FBXL20: variants seen among roughly 807,000 people sequenced by gnomAD.
FBXL20 encodes the protein F-box and leucine rich repeat protein 20, also known as F-box/LRR-repeat protein 20.
FBXL20 carries 11 observed loss-of-function variants against 64.0 expected under a neutral mutation model. The observed-to-expected ratio is 0.17, with a 90% CI of 0.11 to 0.28. FBXL20 has a LOEUF of 0.28. FBXL20 is among the 10% of genes least tolerant of loss of function. The probability of loss-of-function intolerance (pLI) is 1.00; values close to 1 mark genes in which losing one functional copy is unlikely to be tolerated. For synonymous variants in FBXL20, 184 were observed against 189.0 expected (o/e 0.97, Z 0.22); for missense variants, 303 against 526.2 (o/e 0.58, Z 4.15).
chr17:39,302,860 C>A (rs1007355875), intron 3 of FBXL20, among the ~76,000 whole-genome samples: 2 of 151,922 alleles, frequency 1.3e-5, no homozygotes, highest in South Asian at 2.1e-4. Flanking sequence ...GTAGGACTTA[C>A]AACTGTGATA....
At chr17:39,396,219 G>C (rs989721670) in intron 1 of FBXL20, among the ~76,000 whole-genome samples, 7 of 151,992 alleles carry the variant, frequency 4.6e-5, no homozygotes, top group African/African-American at 1.7e-4. Context: ...AGATGCATAG[G>C]ATTCTAGAAA....
At chr17:39,368,050 T>C (rs2047878349) in intron 1 of FBXL20, among the ~76,000 whole-genome samples, 1 of 152,076 alleles carries the variant, frequency 6.6e-6, no homozygotes, top group Non-Finnish European at 1.5e-5. Flanking sequence ...AGTGCTGGGA[T>C]TACAGGTGTG....
intron 2 of FBXL20, among the ~76,000 whole-genome samples, chr17:39,318,586 C>G (rs1191368515): frequency 6.6e-6 from 1 of 151,970 alleles, no homozygotes; most frequent in East Asian, 1.9e-4. Context: ...ACTAAAAATA[C>G]AACATTAGCC....
chr17:39,283,406 T>C (rs1293943034), intron 7 of FBXL20, among the ~76,000 whole-genome samples: 1 of 152,072 alleles, frequency 6.6e-6, no homozygotes, highest in Non-Finnish European at 1.5e-5. Flanking sequence ...CTCAAAAAGT[T>C]TGGGATTTTG....
rs36158395 is a variant in FBXL20, at chr17:39,315,806, TGA to T, written c.105-12169_105-12168del. On this transcript the variant is annotated intron_variant, in intron 2 of 14. Transcript: ENST00000264658. ...CCCAATGAAGTGAAGAGGGGATCTT[TGA>T]GAGAGAGTGAGAGAGAGAGACAGAG... Among the ~76,000 whole-genome samples, 36 of 107,608 alleles carry T rather than the reference TGA, an allele frequency of 3.3e-4. No homozygotes were observed. In the East Asian group the frequency reaches 9.6e-3, roughly 29 times the overall value. The allele number at this position is 107,608 out of a possible 152,430, so 70.6% of individuals were successfully genotyped here.
In FBXL20 at chr17:39,264,131, G is replaced by A. The variant is rs369555107; in HGVS notation, c.1203+44C>T. ...AAAGGAAAAAAAAAGAGAGAAGAAA[G>A]TGCTGCTAACACTAGAGTTGGAGAG... On this transcript the variant is annotated intron_variant, in intron 14 of 14. Coordinates refer to ENST00000264658, the MANE Select transcript of FBXL20 (RefSeq NM_032875.3). The A allele has an allele frequency of 9.6e-6, 15 of 1,566,620 alleles. No individual in the cohort carries two copies. In the African/African-American group the frequency reaches 1.8e-4, roughly 18 times the overall value.
intron 9 of FBXL20, among the ~76,000 whole-genome samples, chr17:39,280,891 G>A (rs1321326662): frequency 6.6e-6 from 1 of 151,982 alleles, no homozygotes; most frequent in Non-Finnish European, 1.5e-5. Flanking sequence ...AGCCTCCCAA[G>A]AAGCTGGGAC....
intron 2 of FBXL20, among the ~76,000 whole-genome samples, chr17:39,324,252 C>T (rs2047388639): frequency 6.7e-6 from 1 of 149,556 alleles, no homozygotes; most frequent in Non-Finnish European, 1.5e-5. Flanking sequence ...AGGTGAGAGA[C>T]CCAGGAATCT....
chr17:39,379,438 C>T (rs2048001426), intron 1 of FBXL20, among the ~76,000 whole-genome samples: 1 of 140,954 alleles, frequency 7.1e-6, no homozygotes, highest in Admixed American at 7.4e-5. Flanking sequence ...GAGAGGCCAG[C>T]AGTTCAAGAA....
At chr17:39,269,130 C>G (rs918544427) in intron 11 of FBXL20, among the ~76,000 whole-genome samples, 1 of 152,134 alleles carries the variant, frequency 6.6e-6, no homozygotes, top group Non-Finnish European at 1.5e-5. Context: ...CCCACCTCAG[C>G]CTCCCAATTA....
At position 39,299,081 on chromosome 17, in the gene FBXL20, G is replaced by A. The variant is rs1228540061; in HGVS notation, c.238C>T (p.Arg80Ter). The A allele has an allele frequency of 6.2e-7, 1 of 1,606,626 alleles. No homozygotes were observed. Among genetic ancestry groups the A allele is most frequent in the Non-Finnish European group, 8.5e-7 (1 of 1,177,156 alleles). Residue 80 changes from arginine to a stop codon, truncating the protein, a stop_gained, in exon 5 of 15, where the codon CGA becomes TGA. Coordinates refer to ENST00000264658, the MANE Select transcript of FBXL20 (RefSeq NM_032875.3). LOFTEE classifies it high-confidence loss of function. ...LFDFQRDIEG[R>*]VVENISKRCG... The stretch of plus-strand genomic sequence containing the variant: ...CGTTTTGAAATATTCTCCACTACTC[G>A]GCCCTGTAAAATGAGACAGGCAAAC...
chr17:39,275,176 G>A, intron 9 of FBXL20, 76 bp from the exon 10 acceptor site: 1 of 1,432,626 alleles, frequency 7.0e-7, no homozygotes, highest in Non-Finnish European at 9.4e-7. Flanking sequence ...TGATAGCTCT[G>A]TGAAAATAAT....
At chr17:39,313,008 T>C (rs1380900970) in intron 2 of FBXL20, among the ~76,000 whole-genome samples, 1 of 149,042 alleles carries the variant, frequency 6.7e-6, no homozygotes, top group Non-Finnish European at 1.5e-5. Flanking sequence ...AACCTCTGTC[T>C]CCCGGGTTCA....
At chr17:39,317,917 G>A (rs1346451119) in intron 2 of FBXL20, among the ~76,000 whole-genome samples, 1 of 151,678 alleles carries the variant, frequency 6.6e-6, no homozygotes, top group Non-Finnish European at 1.5e-5. Context: ...TAGCCGGGAT[G>A]GTCTCGATCT....
intron 1 of FBXL20, among the ~76,000 whole-genome samples, chr17:39,371,293 C>A (rs1003288335): frequency 1.3e-5 from 2 of 152,124 alleles, no homozygotes; most frequent in Non-Finnish European, 2.9e-5. Flanking sequence ...TGCTTATATA[C>A]TTTTTTTAAA....
At chr17:39,289,625 G>A (rs903223188) in intron 6 of FBXL20, among the ~76,000 whole-genome samples, 10 of 151,552 alleles carry the variant, frequency 6.6e-5, no homozygotes, top group Non-Finnish European at 1.2e-4. Context: ...TTCCAGCCTG[G>A]ACGACAGAGA....
intron 6 of FBXL20, among the ~76,000 whole-genome samples, chr17:39,287,017 A>G (rs557461552): frequency 1.3e-5 from 2 of 149,228 alleles, no homozygotes; most frequent in East Asian, 2.0e-4. Context: ...GGTTCAAGCA[A>G]TTCTCTTGCC....
intron 3 of FBXL20, 116 bp from the exon 4 acceptor site, chr17:39,301,191 C>G: frequency 1.2e-6 from 1 of 811,810 alleles, no homozygotes; most frequent in Non-Finnish European, 2.0e-6. Context: ...AAAAATTTAT[C>G]AGGCCCTATC....
At chr17:39,294,733 C>T (rs1207347820) in intron 6 of FBXL20, among the ~76,000 whole-genome samples, 1 of 152,012 alleles carries the variant, frequency 6.6e-6, no homozygotes, top group East Asian at 1.9e-4. Context: ...CACTTATGGC[C>T]AGACACGGTG....
Sources: allele counts gnomAD v4.1 joint callset (sites outside exome capture counted in the v4.1 genomes callset), GRCh38; gene constraint gnomAD v4.1.1; transcripts MANE v1.5; gene names NCBI Gene and HGNC (gene_info 2026-07-23, HGNC 2026-07-21).